The following PACS1 variants were observed in gnomAD, a reference collection of about 807,000 sequenced individuals.
PACS1 encodes the protein PACS-1.
In PACS1, 24 loss-of-function variants were observed where a neutral mutation model predicts 115.0. That is an observed-to-expected ratio of 0.21 (90% CI 0.15 to 0.29). PACS1 has a LOEUF of 0.29. Ranked by LOEUF, PACS1 falls within the 10% of genes least tolerant of loss-of-function variation. The probability of loss-of-function intolerance (pLI) is 1.00; values close to 1 mark genes in which losing one functional copy is unlikely to be tolerated. For synonymous variants in PACS1, 453 were observed against 504.5 expected (o/e 0.90, Z 1.37); for missense variants, 838 against 1,251.2 (o/e 0.67, Z 4.98).
chr11:66,203,744 A>G (rs1854870746), intron 2 of PACS1, among the ~76,000 whole-genome samples: 1 of 152,198 alleles, frequency 6.6e-6, no homozygotes. Flanking sequence ...CCAAGAACAT[A>G]CACTGGGGAA....
chr11:66,230,586 G>C lies in PACS1; in HGVS notation c.1413G>C (p.Thr471=), dbSNP rs764849679. ...TDQDMFGDAS[T]SLVVPEKVKT... ...AGGACATGTTTGGAGATGCCAGCAC[G>C]AGTCTGGTTGTGCCGGAGAAAGTCA... Residue 471 remains threonine (T), a synonymous_variant, in exon 12 of 24, where the codon ACG becomes ACC. Transcript: ENST00000320580. 6.2e-7 allele frequency: 1 copy of C among 1,613,970 alleles called. No homozygotes were observed. The highest frequency in any genetic ancestry group is 1.7e-5 in the Admixed American group (1 of 60,000).
chr11:66,159,119 T>C (rs1416820559), intron 1 of PACS1, among the ~76,000 whole-genome samples: 1 of 152,144 alleles, frequency 6.6e-6, no homozygotes, highest in Non-Finnish European at 1.5e-5. Flanking sequence ...AACTGTCAAA[T>C]CAAGAGTGAA....
intron 1 of PACS1, among the ~76,000 whole-genome samples, chr11:66,110,849 A>G (rs947427784): frequency 3.9e-5 from 6 of 152,216 alleles, no homozygotes; most frequent in African/African-American, 1.4e-4. Context: ...CGTTACAGGC[A>G]TGAGCCGTAG....
Position 66,117,330 on chromosome 11 carries a change from G to A in PACS1, c.356+46488G>A, listed in dbSNP as rs150202909. Among the ~76,000 whole-genome samples the A allele has an allele frequency of 8.3e-3, 1,268 of 151,862 alleles. 87 individuals carry two copies. The East Asian group carries it at 0.17, about 21-fold the overall frequency. On this transcript the variant is annotated intron_variant, in intron 1 of 23. Transcript: ENST00000320580. Reference sequence around the variant, plus strand: ...ACAAACATTAGCTGGGCATGGTGGCGGGCACCTGTAATCCCAGCTACTCAG... The same window carrying A: ...ACAAACATTAGCTGGGCATGGTGGCAGGCACCTGTAATCCCAGCTACTCAG...
At chr11:66,238,313 C>A in intron 19 of PACS1, 2 of 985,330 alleles carry the variant, frequency 2.0e-6, no homozygotes, top group South Asian at 9.4e-5. Flanking sequence ...GCCCACAGGA[C>A]CTTAGAGAAA....
intron 1 of PACS1, among the ~76,000 whole-genome samples, chr11:66,091,560 G>A (rs1214830107): frequency 3.4e-5 from 5 of 145,938 alleles, no homozygotes; most frequent in Admixed American, 3.4e-4. Flanking sequence ...TAGGGTACAT[G>A]TGCACAATGT....
At chr11:66,179,413 G>A (rs944222903) in intron 1 of PACS1, among the ~76,000 whole-genome samples, 10 of 152,070 alleles carry the variant, frequency 6.6e-5, no homozygotes, top group Admixed American at 4.6e-4. Flanking sequence ...TTTAGACCTC[G>A]GGTGATCGGC....
At chr11:66,097,610 G>A (rs1322755005) in intron 1 of PACS1, among the ~76,000 whole-genome samples, 1 of 152,200 alleles carries the variant, frequency 6.6e-6, no homozygotes, top group Admixed American at 6.5e-5. Context: ...TATAGAATCT[G>A]TGAGATAATA....
chr11:66,137,655 CATT>C (rs1858878389), intron 1 of PACS1, among the ~76,000 whole-genome samples: 1 of 152,170 alleles, frequency 6.6e-6, no homozygotes, highest in Non-Finnish European at 1.5e-5. Flanking sequence ...TCTCTTATGT[CATT>C]ATCCAGGCCA....
chr11:66,162,282 A>C (rs973245917), intron 1 of PACS1, among the ~76,000 whole-genome samples: 1 of 151,504 alleles, frequency 6.6e-6, no homozygotes. Context: ...CCACCACGCC[A>C]GGCTAATTTT....
chr11:66,141,950 C>T (rs570056289), intron 1 of PACS1, among the ~76,000 whole-genome samples: 133 of 152,046 alleles, frequency 8.7e-4, no homozygotes, highest in Non-Finnish European at 1.6e-3. Context: ...GGATTATAGG[C>T]GCCCACCACC....
intron 1 of PACS1, among the ~76,000 whole-genome samples, chr11:66,077,571 G>T (rs959577239): frequency 6.6e-6 from 1 of 152,112 alleles, no homozygotes; most frequent in Admixed American, 6.5e-5. Context: ...AAACAAAAAT[G>T]GGTGAATAGA....
chr11:66,159,368 C>T (rs1275681493), intron 1 of PACS1, among the ~76,000 whole-genome samples: 1 of 151,948 alleles, frequency 6.6e-6, no homozygotes, highest in Non-Finnish European at 1.5e-5. Context: ...ACCCGGGAGA[C>T]GGAGGTTGCC....
At chr11:66,122,721 G>A (rs1052010840) in intron 1 of PACS1, among the ~76,000 whole-genome samples, 1 of 152,200 alleles carries the variant, frequency 6.6e-6, no homozygotes, top group Non-Finnish European at 1.5e-5. Flanking sequence ...AGAATTAGAA[G>A]TGGGGTCTGA....
chr11:66,205,702 C>T (rs1195498894), intron 2 of PACS1, among the ~76,000 whole-genome samples: 1 of 150,464 alleles, frequency 6.6e-6, no homozygotes, highest in East Asian at 1.9e-4. Flanking sequence ...CTATGTTGCC[C>T]AGGCAGCTCT....
chr11:66,243,199 G>A lies in PACS1; in HGVS notation c.2811G>A (p.Lys937=), dbSNP rs1239044540. Residue 937 remains lysine, a synonymous_variant, in exon 24 of 24, where the codon AAG becomes AAA. Transcript: ENST00000320580. The part of the protein sequence containing the change: ...SIDGVEWSDI[K]FFQLAAQWPT... ...ATGGGGTCGAGTGGAGTGACATCAA[G>A]TTCTTCCAGCTGGCAGCCCAGTGGC... is the stretch of plus-strand genomic sequence containing the variant. 2 of 1,613,526 alleles carry A rather than the reference G, an allele frequency of 1.2e-6. No homozygotes were observed. The highest frequency in any genetic ancestry group is 2.7e-5 in the African/African-American group (2 of 74,876).
intron 2 of PACS1, among the ~76,000 whole-genome samples, chr11:66,202,267 A>G (rs908789960): frequency 1.3e-5 from 2 of 152,212 alleles, no homozygotes; most frequent in Non-Finnish European, 2.9e-5. Flanking sequence ...AGAAAAGCCC[A>G]GGCCTTGATA....
At chr11:66,198,798 G>A (rs1854705571) in intron 2 of PACS1, among the ~76,000 whole-genome samples, 1 of 152,034 alleles carries the variant, frequency 6.6e-6, no homozygotes, top group East Asian at 1.9e-4. Flanking sequence ...AAAAAACTAT[G>A]TCTTCTCACT....
intron 10 of PACS1, 86 bp from the exon 11 acceptor site, chr11:66,227,418 A>G: frequency 6.6e-6 from 5 of 758,352 alleles, no homozygotes; most frequent in Non-Finnish European, 1.1e-5. Flanking sequence ...AAATGAAAGT[A>G]TTTTAAGCTT....
Sources: gnomAD v4.1 joint callset for allele counts (sites outside exome capture counted in the v4.1 genomes callset) on GRCh38, gnomAD v4.1.1 for gene constraint, MANE v1.5 for transcripts, NCBI Gene and HGNC (gene_info 2026-07-23, HGNC 2026-07-21) for gene names.